Variants in SGCD observed in about 807,000 individuals in gnomAD.
The protein encoded by SGCD is delta-sarcoglycan.
A neutral mutation model predicts 36.6 loss-of-function variants in SGCD; 18 were observed. That is an observed-to-expected ratio of 0.49 (90% CI 0.34 to 0.73). The LOEUF (loss-of-function observed/expected upper bound fraction) is 0.73, where lower values mean the gene tolerates loss of function less well. Among genes scored for constraint, SGCD ranks in the 30% least tolerant of loss-of-function variants. The pLI is 0.01. For synonymous variants in SGCD, 133 were observed against 130.6 expected, an observed-to-expected ratio of 1.02 and a Z score of -0.12; for missense variants, 387 against 346.7, an observed-to-expected ratio of 1.12 and a Z score of -0.92.
rs111382739 is a variant in SGCD at position 156,002,780 on chromosome 5, A to G, written c.-281-115098A>G. 2.9e-3 allele frequency among the ~76,000 whole-genome samples: 445 copies of G among 152,362 alleles called. 2 individuals are homozygous for G. The highest frequency in any genetic ancestry group is 0.01 in the African/African-American group (428 of 41,588). ...GCGAGGTTCTGCATTTTTAACAACC[A>G]TCTTGGCTGATTCTGTTGCAGGAGA... On this transcript the variant is annotated intron_variant, in intron 1 of 9. Transcript: ENST00000517913.
At chr5:156,507,488 G>A (rs747280116) in intron 3 of SGCD, among the ~76,000 whole-genome samples, 1 of 152,126 alleles carries the variant, frequency 6.6e-6, no homozygotes, top group Non-Finnish European at 1.5e-5. Flanking sequence ...ATAAGGTTGT[G>A]GTGTTTTAAA....
chr5:155,804,974 C>G, the SGCD span, among the ~76,000 whole-genome samples: 1 of 152,112 alleles, frequency 6.6e-6, no homozygotes, highest in African/African-American at 2.4e-5. Flanking sequence ...AGCACAGTTG[C>G]CATTAGCCAC....
chr5:156,154,556 G>T (rs1000214671), intron 3 of SGCD, among the ~76,000 whole-genome samples: 1 of 151,556 alleles, frequency 6.6e-6, no homozygotes, highest in Non-Finnish European at 1.5e-5. Flanking sequence ...ATCAGTAATA[G>T]CAATGGTAAT....
At chr5:156,676,301 T>C (rs1753505531) in intron 7 of SGCD, among the ~76,000 whole-genome samples, 1 of 152,198 alleles carries the variant, frequency 6.6e-6, no homozygotes, top group African/African-American at 2.4e-5. Flanking sequence ...GCCTGCAACC[T>C]GTTGCTGGCC....
intron 7 of SGCD, among the ~76,000 whole-genome samples, chr5:156,725,795 T>C (rs1002822685): frequency 3.3e-5 from 5 of 152,156 alleles, no homozygotes; most frequent in Admixed American, 3.3e-4. Context: ...GCTTGATAAA[T>C]TGACTAACGT....
At chr5:156,322,108 C>T (rs1767687071), upstream of SGCD, among the ~76,000 whole-genome samples, 1 of 152,170 alleles carries the variant, frequency 6.6e-6, no homozygotes, top group East Asian at 1.9e-4. Context: ...CACAGCCTAG[C>T]TTGTATTTCA....
intron 3 of SGCD, among the ~76,000 whole-genome samples, chr5:156,346,701 A>G (rs1434966075): frequency 6.6e-6 from 1 of 152,200 alleles, no homozygotes; most frequent in Non-Finnish European, 1.5e-5. Flanking sequence ...ATCCAAGGTA[A>G]TAGTTCTAGA....
chr5:156,230,335 G>A (rs898571376), intron 3 of SGCD, among the ~76,000 whole-genome samples: 3 of 152,160 alleles, frequency 2.0e-5, no homozygotes, highest in African/African-American at 7.2e-5. Flanking sequence ...GTTTAGGGCC[G>A]AAGGCTCTTG....
the SGCD span, among the ~76,000 whole-genome samples, chr5:155,757,835 A>C: frequency 6.6e-6 from 1 of 152,076 alleles, no homozygotes; most frequent in South Asian, 2.1e-4. Context: ...CGCCCCATGG[A>C]AGGTAATTGA....
In SGCD at chr5:156,523,279, C is replaced by T. The variant is rs557109306; in HGVS notation, c.294+14577C>T. ...ATGTTTAGTGTGACAAGTGGTTACACGTGGCAATTTCCCTCTCATGAGGAA... is the reference window on the plus strand; with the variant it reads ...ATGTTTAGTGTGACAAGTGGTTACATGTGGCAATTTCCCTCTCATGAGGAA... On this transcript the variant is annotated intron_variant, in intron 4 of 8. Coordinates refer to ENST00000337851, the MANE Select transcript of SGCD (RefSeq NM_000337.6). 4.7e-4 allele frequency among the ~76,000 whole-genome samples: 71 copies of T among 152,180 alleles called. 1 individual carries two copies. Among genetic ancestry groups the T allele is most frequent in the African/African-American group, 1.6e-3 (65 of 41,514 alleles).
chr5:156,515,639 C>T (rs1183304531), intron 4 of SGCD, among the ~76,000 whole-genome samples: 1 of 152,234 alleles, frequency 6.6e-6, no homozygotes, highest in East Asian at 1.9e-4. Context: ...CATATCTGTG[C>T]AACCCATGGA....
At chr5:156,510,550 G>A (rs183645257) in intron 4 of SGCD, among the ~76,000 whole-genome samples, 1 of 152,176 alleles carries the variant, frequency 6.6e-6, no homozygotes, top group East Asian at 1.9e-4. Context: ...TTCTATGGAT[G>A]TTGGCATACC....
At chr5:155,969,481 T>C (rs1313710012) in intron 1 of SGCD, among the ~76,000 whole-genome samples, 2 of 93,558 alleles carry the variant, frequency 2.1e-5, no homozygotes, top group African/African-American at 5.4e-5. Context: ...TTTTGGATCA[T>C]CTCCCACAAA....
intron 3 of SGCD, among the ~76,000 whole-genome samples, chr5:156,319,349 A>C (rs1297759387): frequency 6.6e-6 from 1 of 152,206 alleles, no homozygotes; most frequent in Admixed American, 6.5e-5. Flanking sequence ...TGAGCACTTG[A>C]TCTGTTAAGT....
rs527553765 is a variant in SGCD at position 156,285,799 on chromosome 5, G to A, written c.-43-43735G>A. Among the ~76,000 whole-genome samples, 284 of 152,114 alleles carry A rather than the reference G, an allele frequency of 1.9e-3. 1 individual carries two copies. The highest frequency in any genetic ancestry group is 6.6e-3 in the African/African-American group (274 of 41,524). On this transcript the variant is annotated intron_variant, in intron 3 of 9. Coordinates refer to the SGCD transcript ENST00000517913. The stretch of plus-strand genomic sequence containing the variant: ...CATGTCTAAAACACCAAAAGCAATG[G>A]CAACAAAAGCCAAAATTGACAAATG...
intron 7 of SGCD, among the ~76,000 whole-genome samples, chr5:156,741,656 C>T (rs879638927): frequency 3.9e-5 from 6 of 152,174 alleles, no homozygotes; most frequent in Non-Finnish European, 7.3e-5. Flanking sequence ...CAGAGGGTAA[C>T]AGAGGCTGGA....
the SGCD span, among the ~76,000 whole-genome samples, chr5:155,857,660 A>G: frequency 6.6e-6 from 1 of 152,196 alleles, no homozygotes; most frequent in East Asian, 1.9e-4. Flanking sequence ...TAAGGGTAAG[A>G]AGGCAGGAAG....
At chr5:156,140,168 A>G (rs957146178) in intron 3 of SGCD, among the ~76,000 whole-genome samples, 4 of 152,220 alleles carry the variant, frequency 2.6e-5, no homozygotes, top group South Asian at 4.1e-4. Flanking sequence ...TACAAGATAG[A>G]AACCAGAACC....
At chr5:156,409,440 C>T (rs1772620932) in intron 3 of SGCD, among the ~76,000 whole-genome samples, 1 of 152,208 alleles carries the variant, frequency 6.6e-6, no homozygotes, top group African/African-American at 2.4e-5. Context: ...ACGCATCAGA[C>T]CATATCATAA....
Sources: allele counts gnomAD v4.1 joint callset (sites outside exome capture counted in the v4.1 genomes callset), GRCh38; gene constraint gnomAD v4.1.1; transcripts MANE v1.5; gene names NCBI Gene and HGNC (gene_info 2026-07-23, HGNC 2026-07-21).